Variants in IL17RD observed in about 807,000 individuals in gnomAD.
IL17RD encodes interleukin-17 receptor D.
Under a neutral mutation model 80.5 loss-of-function variants are expected in IL17RD, and 52 were observed. That is an observed-to-expected ratio of 0.65 (90% confidence interval 0.52 to 0.81). IL17RD has a LOEUF of 0.81. Ranked by LOEUF, IL17RD falls within the 40% of genes least tolerant of loss-of-function variation. The pLI is 0.00. For missense variants in IL17RD, 1,024 were observed against 955.1 expected (o/e 1.07, Z -0.95); for synonymous variants, 416 against 391.8 (o/e 1.06, Z -0.73).
chr3:57,124,211 G>T (rs1298331818), intron 1 of IL17RD, among the ~76,000 whole-genome samples: 1 of 152,140 alleles, frequency 6.6e-6, no homozygotes, highest in African/African-American at 2.4e-5. Flanking sequence ...TGGTATCCCA[G>T]GCTAGCCCAT....
chr3:57,131,629 C>G (rs1707611116), intron 1 of IL17RD, among the ~76,000 whole-genome samples: 1 of 152,230 alleles, frequency 6.6e-6, no homozygotes, highest in Non-Finnish European at 1.5e-5. Context: ...CGTCATCCCT[C>G]TCTTGGCAAT....
chr3:57,163,344 A>G (rs1337353099), intron 1 of IL17RD, among the ~76,000 whole-genome samples: 1 of 152,178 alleles, frequency 6.6e-6, no homozygotes, highest in Non-Finnish European at 1.5e-5. Flanking sequence ...TGACTGGGAC[A>G]GAGCCACCAT....
intron 1 of IL17RD, among the ~76,000 whole-genome samples, chr3:57,121,219 C>G (rs1486250306): frequency 6.6e-6 from 1 of 152,194 alleles, no homozygotes; most frequent in Non-Finnish European, 1.5e-5. Flanking sequence ...AGTTTCCACT[C>G]AACAAGAAGG....
chr3:57,125,352 A>G (rs1446027487), intron 1 of IL17RD, among the ~76,000 whole-genome samples: 1 of 152,242 alleles, frequency 6.6e-6, no homozygotes, highest in Non-Finnish European at 1.5e-5. Flanking sequence ...GGTTGCAGTG[A>G]GCCAAGATCG....
upstream of IL17RD, among the ~76,000 whole-genome samples, chr3:57,168,513 G>A (rs1001907778): frequency 1.3e-5 from 2 of 152,184 alleles, no homozygotes; most frequent in Non-Finnish European, 2.9e-5. Context: ...CCAGGGATGG[G>A]GAGGCCCTCC....
At chr3:57,120,931 G>A (rs923492819) in intron 1 of IL17RD, among the ~76,000 whole-genome samples, 6 of 152,164 alleles carry the variant, frequency 3.9e-5, no homozygotes, top group Non-Finnish European at 7.3e-5. Context: ...TGATGTGGCC[G>A]TCAGCCATCT....
chr3:57,120,188 A>G, intron 2 of IL17RD, 68 bp downstream of exon 2: 1 of 1,270,998 alleles, frequency 7.9e-7, no homozygotes, highest in Non-Finnish European at 1.2e-6. Flanking sequence ...TCCTTGATTA[A>G]GCATGGCTAT....
rs1173768117 is a variant in IL17RD at position 57,127,296 on chromosome 3, AT to A, written c.127-6984del. Among the ~76,000 whole-genome samples the A allele has an allele frequency of 2.0e-4, 18 of 91,220 alleles. 2 individuals are homozygous for A. Among genetic ancestry groups the A allele is most frequent in the Admixed American group, 1.6e-4 (1 of 6,316 alleles). The allele number at this position is 91,220 out of a possible 152,430, so 59.8% of individuals were successfully genotyped here. A position where few individuals can be genotyped will look rare whatever the true frequency, so the allele number is the denominator to read the frequency against. The stretch of plus-strand genomic sequence containing the variant: ...TAAAAATATATATAAATATATATAA[AT>A]ATATATAAAAATATATAAAAATATA... On this transcript the variant is annotated intron_variant, in intron 1 of 12. Transcript: ENST00000296318.
At chr3:57,169,320 C>T, upstream of IL17RD, 1 of 495,944 alleles carries the variant, frequency 2.0e-6, no homozygotes, top group Admixed American at 2.1e-5. Flanking sequence ...CACCTCTGCC[C>T]CCATGCCTAG....
chr3:57,163,785 C>CGGGGG (rs57632395), intron 1 of IL17RD, among the ~76,000 whole-genome samples: 1 of 15,970 alleles, frequency 6.3e-5, no homozygotes. Context: ...CCTAATGGGG[C>CGGGGG]GGGGGGGCGG....
At chr3:57,115,462 A>G (rs2107491683) in intron 2 of IL17RD, among the ~76,000 whole-genome samples, 1 of 152,248 alleles carries the variant, frequency 6.6e-6, no homozygotes, top group African/African-American at 2.4e-5. Flanking sequence ...ACCCCACATT[A>G]CTCAAAAAAC....
At chr3:57,107,426 C>T (rs977919888) in intron 5 of IL17RD, among the ~76,000 whole-genome samples, 4 of 151,814 alleles carry the variant, frequency 2.6e-5, no homozygotes, top group East Asian at 1.9e-4. Flanking sequence ...ATAACTGCTG[C>T]GTAGAAAACA....
intron 3 of IL17RD, among the ~76,000 whole-genome samples, chr3:57,112,381 A>C (rs1187397758): frequency 1.3e-5 from 2 of 152,246 alleles, no homozygotes; most frequent in African/African-American, 2.4e-5. Flanking sequence ...TCTGGCTCTC[A>C]GCCAGCGCTC....
At chr3:57,115,697 C>G (rs1707201365) in intron 2 of IL17RD, among the ~76,000 whole-genome samples, 1 of 152,236 alleles carries the variant, frequency 6.6e-6, no homozygotes, top group Admixed American at 6.5e-5. Context: ...CCATCCCCAG[C>G]AGGCACCACT....
Position 57,165,115 on chromosome 3 carries a change from C to T in IL17RD, c.126+46G>A, listed in dbSNP as rs114457462. 6,709 of 1,476,322 alleles carry T rather than the reference C, an allele frequency of 4.5e-3. 286 individuals are homozygous for T. The African/African-American group carries it at 0.088, about 19-fold the overall frequency. The allele number at this position is 1,476,322 out of a possible 1,614,324, so 91.5% of individuals were successfully genotyped here. On this transcript the variant is annotated intron_variant, in intron 1 of 12. Transcript: ENST00000296318. ...CCGCGAGCACCTGTGCGCGCTGCGT[C>T]CCCCGCGAGTTGGCGACGGCAAGAA... is the stretch of plus-strand genomic sequence containing the variant.
rs1441215712 is a variant in IL17RD at position 57,098,205 on chromosome 3, G to C, written c.1498C>G (p.Leu500Val). ...GILDLSTKYR[L>V]MDNLPQLCSH... Reference sequence around the variant, plus strand: ...CAGAGCTGAGGAAGATTGTCCATGAGTCTGTACTTGGTACTCAGGTCTAGG... The same window carrying C: ...CAGAGCTGAGGAAGATTGTCCATGACTCTGTACTTGGTACTCAGGTCTAGG... The change falls in exon 12 of 13, where the codon CTC becomes GTC. Residue 500 changes from leucine to valine, a missense_variant. Coordinates refer to ENST00000296318, the MANE Select transcript of IL17RD (RefSeq NM_017563.5). 1.2e-6 allele frequency: 2 copies of C among 1,613,786 alleles called. No individual in the cohort carries two copies. The highest frequency in any genetic ancestry group is 1.7e-6 in the Non-Finnish European group (2 of 1,179,850).
chr3:57,139,433 G>A lies in IL17RD; in HGVS notation c.127-19120C>T, dbSNP rs555696331. Reference sequence around the variant, plus strand: ...TTATTTTGAATTTTTGTGTAATTTTGAACTGAATGTGAATTTGAGTGTGAA... The same window carrying A: ...TTATTTTGAATTTTTGTGTAATTTTAAACTGAATGTGAATTTGAGTGTGAA... On this transcript the variant is annotated intron_variant, in intron 1 of 12. Transcript: ENST00000296318. Among the ~76,000 whole-genome samples the A allele has an allele frequency of 2.0e-5, 3 of 151,238 alleles. No individual in the cohort carries two copies. In the South Asian group the frequency reaches 6.3e-4, roughly 32 times the overall value.
At position 57,095,694 on chromosome 3, in the gene IL17RD, G is replaced by T. The variant is rs77457676; in HGVS notation, c.*699C>A. 102 of 152,396 alleles carry T rather than the reference G, an allele frequency of 6.7e-4. No individual in the cohort carries two copies. Among genetic ancestry groups the T allele is most frequent in the African/African-American group, 2.3e-3 (97 of 41,532 alleles). 9.4% of individuals were successfully genotyped at this position (152,396 alleles called of 1,614,324 possible). On this transcript the variant is annotated 3_prime_UTR_variant, in exon 13 of 13. Coordinates refer to ENST00000296318, the MANE Select transcript of IL17RD (RefSeq NM_017563.5). The stretch of plus-strand genomic sequence containing the variant: ...GGAGGCTGTGTGTGCTGAGGTCCTG[G>T]GGCCTTCTGCACGATGACCAACCTA...
rs1491485804 is a variant in IL17RD, at chr3:57,127,378, A to AT, written c.127-7066_127-7065insA. Among the ~76,000 whole-genome samples, 248 of 97,322 alleles carry AT rather than the reference A, an allele frequency of 2.5e-3. 23 individuals are homozygous for AT. The South Asian group carries it at 0.029, about 12-fold the overall frequency. 63.8% of individuals were successfully genotyped at this position (97,322 alleles called of 152,430 possible). A position where few individuals can be genotyped will look rare whatever the true frequency, so the allele number is the denominator to read the frequency against. On this transcript the variant is annotated intron_variant, in intron 1 of 12. Transcript: ENST00000296318. The stretch of plus-strand genomic sequence containing the variant: ...TATATAAATATAAATATATATATAT[A>AT]AATAAATAAATAAATAAATATATAT...
Sources: allele counts gnomAD v4.1 joint callset (sites outside exome capture counted in the v4.1 genomes callset), GRCh38; gene constraint gnomAD v4.1.1; transcripts MANE v1.5; gene names NCBI Gene and HGNC (gene_info 2026-07-23, HGNC 2026-07-21).